Variants in TSHZ2 observed in about 807,000 individuals in gnomAD.
The protein encoded by TSHZ2 is teashirt zinc finger homeobox 2, also known as teashirt homolog 2.
In TSHZ2, 21 loss-of-function variants were observed where a neutral mutation model predicts 74.4. That is an observed-to-expected ratio of 0.28 (90% CI 0.20 to 0.41). The LOEUF (loss-of-function observed/expected upper bound fraction) is 0.41. TSHZ2 is among the 10% of genes least tolerant of loss of function. The pLI is 1.00. For synonymous variants in TSHZ2, 540 were observed against 515.3 expected, an observed-to-expected ratio of 1.05 and a Z score of -0.65; for missense variants, 1,244 against 1,293.5, an observed-to-expected ratio of 0.96 and a Z score of 0.59.
chr20:53,448,033 C>A (rs1056988478), intron 2 of TSHZ2, among the ~76,000 whole-genome samples: 1 of 151,952 alleles, frequency 6.6e-6, no homozygotes, highest in Admixed American at 6.6e-5. Flanking sequence ...CCTGCCTCAG[C>A]CTCCCGAGTA....
chr20:53,230,093 T>C (rs59338997), intron 1 of TSHZ2, among the ~76,000 whole-genome samples: 32,629 of 151,262 alleles, frequency 0.22, 3,714 homozygotes, highest in Middle Eastern at 0.29. Context: ...ACTGTAGTCT[T>C]TCCTGTTCTG....
chr20:53,222,250 C>T (rs910920691), intron 1 of TSHZ2, among the ~76,000 whole-genome samples: 12 of 151,366 alleles, frequency 7.9e-5, no homozygotes, highest in Non-Finnish European at 1.8e-4. Context: ...TCTCCAAGTA[C>T]CCAAGGGTGG....
chr20:53,454,634 G>T lies in TSHZ2; in HGVS notation c.*9-32510G>T, dbSNP rs565793184. Among the ~76,000 whole-genome samples, 43 of 151,778 alleles carry T rather than the reference G, an allele frequency of 2.8e-4. 1 individual carries two copies. Among genetic ancestry groups the T allele is most frequent in the Admixed American group, 2.5e-3 (38 of 15,250 alleles). On this transcript the variant is annotated intron_variant, in intron 2 of 2. Transcript: ENST00000371497. Reference sequence around the variant, plus strand: ...TGGCTGTCCCTTTCCCATCCTTCAGGTCTTCATTCAGATGTCACTCCCTCA... The same window carrying T: ...TGGCTGTCCCTTTCCCATCCTTCAGTTCTTCATTCAGATGTCACTCCCTCA...
intron 2 of TSHZ2, chr20:53,398,071 T>C (rs990256951): frequency 2.6e-5 from 4 of 152,098 alleles, no homozygotes; most frequent in African/African-American, 9.7e-5. Context: ...ATGACACATA[T>C]ATACATATGT....
chr20:53,413,575 T>C (rs1983129658), intron 2 of TSHZ2, among the ~76,000 whole-genome samples: 1 of 152,166 alleles, frequency 6.6e-6, no homozygotes, highest in East Asian at 1.9e-4. Flanking sequence ...TTTCATATGG[T>C]GGGTAGGAGA....
intron 1 of TSHZ2, among the ~76,000 whole-genome samples, chr20:53,065,573 G>A (rs1283263854): frequency 1.3e-5 from 2 of 152,132 alleles, no homozygotes; most frequent in Non-Finnish European, 1.5e-5. Flanking sequence ...CAACACAGTC[G>A]GGACCCAGGC....
At chr20:53,420,216 A>G (rs1171558018) in intron 2 of TSHZ2, among the ~76,000 whole-genome samples, 1 of 152,236 alleles carries the variant, frequency 6.6e-6, no homozygotes, top group Non-Finnish European at 1.5e-5. Flanking sequence ...AGGGAAGGCC[A>G]GGTACAGGGA....
chr20:53,089,272 A>G (rs745455), intron 1 of TSHZ2, among the ~76,000 whole-genome samples: 64,247 of 149,546 alleles, frequency 0.43, 14,627 homozygotes, highest in Admixed American at 0.54. Flanking sequence ...AAAAAATCTT[A>G]AGTGAACTTG....
intron 1 of TSHZ2, among the ~76,000 whole-genome samples, chr20:53,187,021 G>A (rs1485396635): frequency 6.6e-6 from 1 of 152,092 alleles, no homozygotes; most frequent in Non-Finnish European, 1.5e-5. Context: ...CTTTCTTTGT[G>A]TGTATATAGC....
intron 1 of TSHZ2, among the ~76,000 whole-genome samples, chr20:53,046,562 C>A (rs1984234113): frequency 1.3e-5 from 2 of 152,216 alleles, no homozygotes; most frequent in South Asian, 2.1e-4. Flanking sequence ...GCAGAGGGAG[C>A]AAACTCTGTT....
chr20:53,075,538 C>T (rs1021643053), intron 1 of TSHZ2, among the ~76,000 whole-genome samples: 1 of 152,100 alleles, frequency 6.6e-6, no homozygotes, highest in African/African-American at 2.4e-5. Flanking sequence ...CTGATACTAA[C>T]CTTGGCAAAC....
chr20:53,426,134 C>T (rs552847107), intron 2 of TSHZ2, among the ~76,000 whole-genome samples: 56 of 152,138 alleles, frequency 3.7e-4, no homozygotes, highest in Non-Finnish European at 3.2e-4. Flanking sequence ...TTTTTCTTTT[C>T]CTGCTATGAC....
At chr20:53,228,832 G>C (rs961003439) in intron 1 of TSHZ2, among the ~76,000 whole-genome samples, 1 of 152,170 alleles carries the variant, frequency 6.6e-6, no homozygotes, top group Non-Finnish European at 1.5e-5. Flanking sequence ...CCAGTTGGGG[G>C]GAAAAATGCC....
At chr20:52,980,916 T>A (rs1041867155) in intron 1 of TSHZ2, among the ~76,000 whole-genome samples, 4 of 152,194 alleles carry the variant, frequency 2.6e-5, no homozygotes, top group African/African-American at 9.7e-5. Flanking sequence ...GAATTTTTTT[T>A]ATGTATTTAG....
chr20:53,258,190 GA>G lies in TSHZ2; in HGVS notation c.*8+1620del, dbSNP rs1219110396. ...ATGATGATTGAATGTGTTATTGGCA[GA>G]TTCTTCTCATTCTTTCCAAGCATGA... On this transcript the variant is annotated intron_variant, in intron 2 of 2. Coordinates refer to ENST00000371497, the MANE Select transcript of TSHZ2 (RefSeq NM_173485.6). Among the ~76,000 whole-genome samples, 3 of 152,192 alleles carry G rather than the reference GA, an allele frequency of 2.0e-5. No homozygotes were observed. The East Asian group carries it at 5.8e-4, about 29-fold the overall frequency.
intron 2 of TSHZ2, among the ~76,000 whole-genome samples, chr20:53,299,442 G>T (rs1023792780): frequency 6.6e-6 from 1 of 151,898 alleles, no homozygotes; most frequent in Non-Finnish European, 1.5e-5. Flanking sequence ...CCCTTGTTTT[G>T]CCCATTTATA....
intron 1 of TSHZ2, among the ~76,000 whole-genome samples, chr20:53,203,253 G>C (rs926883026): frequency 1.3e-5 from 2 of 149,354 alleles, no homozygotes; most frequent in Non-Finnish European, 3.0e-5. Context: ...GGAGTGCAGT[G>C]GCACGATCTC....
rs1368531957 is a variant in TSHZ2 at position 53,254,801 on chromosome 20, A to C, written c.1343A>C (p.Asn448Thr). 6 of 1,613,588 alleles carry C rather than the reference A, an allele frequency of 3.7e-6. No homozygotes were observed. The highest frequency in any genetic ancestry group is 5.1e-6 in the Non-Finnish European group (6 of 1,179,746). Residue 448 changes from asparagine (N) to threonine (T), a missense_variant, in exon 2 of 3, where the codon AAC (asparagine) becomes ACC (threonine). Asn to Thr is a moderately conservative substitution (Grantham distance 65). This residue lies in a region of TSHZ2 where 562 missense variants were observed against 544.0 expected (regional missense o/e 1.03). Transcript: ENST00000371497. ...SDSLAPKPSS[N>T]SASDCTASTT... ...TCTCTGGCTCCCAAGCCATCCAGTA[A>C]CTCAGCATCAGATTGTACAGCCTCT...
At chr20:53,260,923 GATAACA>G (rs1411286282) in intron 2 of TSHZ2, among the ~76,000 whole-genome samples, 1 of 152,194 alleles carries the variant, frequency 6.6e-6, no homozygotes, top group Non-Finnish European at 1.5e-5. Flanking sequence ...GTTTGATTCA[GATAACA>G]ATGACAGTGA....
Sources: gnomAD v4.1 joint callset for allele counts (sites outside exome capture counted in the v4.1 genomes callset) on GRCh38, gnomAD v4.1.1 for gene constraint, gnomAD v4.1.1 regional missense constraint, MANE v1.5 for transcripts, NCBI Gene and HGNC (gene_info 2026-07-23, HGNC 2026-07-21) for gene names.